The following MRPL45 variants were observed in gnomAD, a reference collection of about 807,000 sequenced individuals.
MRPL45 encodes the protein large ribosomal subunit protein mL45.
MRPL45 carries 20 observed loss-of-function variants against 38.1 expected under a neutral mutation model. That is an observed-to-expected ratio of 0.53 (90% CI 0.37 to 0.76). The LOEUF (loss-of-function observed/expected upper bound fraction) is 0.76. Ranked by LOEUF, MRPL45 falls within the 30% of genes least tolerant of loss-of-function variation. MRPL45 has a pLI of 0.00. For missense variants in MRPL45, 337 were observed against 395.6 expected (o/e 0.85, Z 1.26); for synonymous variants, 105 against 128.8 (o/e 0.82, Z 1.25).
chr17:38,306,873 T>C (rs1281788063), intron 4 of MRPL45, among the ~76,000 whole-genome samples: 1 of 152,200 alleles, frequency 6.6e-6, no homozygotes, highest in Non-Finnish European at 1.5e-5. Flanking sequence ...CTGCAAGTGT[T>C]GGGACCTTGT....
At position 38,302,024 on chromosome 17, in the gene MRPL45, G is replaced by A. The variant is rs370461826; in HGVS notation, c.362+2556G>A. 6.0e-5 allele frequency among the ~76,000 whole-genome samples: 9 copies of A among 151,122 alleles called. No individual in the cohort carries two copies. In the East Asian group the frequency reaches 7.8e-4, roughly 13 times the overall value. The stretch of plus-strand genomic sequence containing the variant: ...CCCAGCTACTCAGGAGGCTGAGGCC[G>A]GAGAATGGTGTGAACTCAGGAGGCA... On this transcript the variant is annotated intron_variant, in intron 3 of 7. Coordinates refer to ENST00000613675, the MANE Select transcript of MRPL45 (RefSeq NM_032351.6).
chr17:38,305,789 T>C lies in MRPL45; in HGVS notation c.363-744T>C, dbSNP rs999743997. On this transcript the variant is annotated intron_variant, in intron 3 of 7. Coordinates refer to ENST00000613675, the MANE Select transcript of MRPL45 (RefSeq NM_032351.6). The stretch of plus-strand genomic sequence containing the variant: ...TCCGGAGTAGCTGGGATTACTGGTG[T>C]GCACCACCATGCCCAGCTTATTTTT... Among the ~76,000 whole-genome samples the C allele has an allele frequency of 2.2e-4, 34 of 151,762 alleles. No homozygotes were observed. In the East Asian group the frequency reaches 6.2e-3, roughly 28 times the overall value.
chr17:38,312,881 G>A (rs1338352515), intron 4 of MRPL45, among the ~76,000 whole-genome samples: 2 of 150,434 alleles, frequency 1.3e-5, no homozygotes, highest in African/African-American at 4.9e-5. Context: ...ACCACCATAT[G>A]GTTTTCCTTA....
chr17:38,316,682 C>T (rs1422904644), intron 4 of MRPL45, among the ~76,000 whole-genome samples: 3 of 134,974 alleles, frequency 2.2e-5, no homozygotes, highest in African/African-American at 8.1e-5. Context: ...GTGGCGTGCA[C>T]CTGTAGTCCC....
chr17:38,318,625 C>A, intron 4 of MRPL45, 62 bp from the exon 5 acceptor site: 2 of 1,208,006 alleles, frequency 1.7e-6, no homozygotes, highest in South Asian at 1.2e-5. Context: ...GGACCATTTT[C>A]AGTCTTCATA....
intron 5 of MRPL45, 82 bp downstream of exon 5, chr17:38,318,817 CTTTTCTTTTCT>C: frequency 1.2e-6 from 1 of 856,976 alleles, no homozygotes; most frequent in Non-Finnish European, 1.8e-6. Context: ...CTTTTCTTTT[CTTTTCTTTTCT>C]TTTTTTTTTT....
rs2037221781 is a variant in MRPL45, at chr17:38,320,753, A to G, written c.646A>G (p.Met216Val). ...CGTGTACGGCCAGATCACCGTACGCATGCACACCCGGCAGGTAGAGGCACT... is the reference window on the plus strand; with the variant it reads ...CGTGTACGGCCAGATCACCGTACGCGTGCACACCCGGCAGGTAGAGGCACT... Reference protein sequence around the residue: ...GNVYGQITVRMHTRQTLAIYD... With the variant: ...GNVYGQITVRVHTRQTLAIYD... The change falls in exon 6 of 8, where the codon ATG (methionine) becomes GTG (valine). Residue 216 changes from methionine (M) to valine (V), a missense_variant. Physicochemically the swap from Met to Val is conservative, Grantham distance 21. Around this residue, in one of 3 missense-constraint regions of MRPL45, gnomAD observed 251 missense variants for 269.1 expected, o/e 0.93. Coordinates refer to ENST00000613675, the MANE Select transcript of MRPL45 (RefSeq NM_032351.6). The G allele has an allele frequency of 6.2e-7, 1 of 1,614,058 alleles. No homozygotes were observed. The highest frequency in any genetic ancestry group is 1.3e-5 in the African/African-American group (1 of 75,040).
intron 6 of MRPL45, 25 bp from the exon 7 acceptor site, chr17:38,322,101 G>T (rs1479211435): frequency 6.2e-7 from 1 of 1,606,184 alleles, no homozygotes; most frequent in Admixed American, 1.7e-5. Flanking sequence ...AAACTAAGAG[G>T]CCAGATTTGC....
At chr17:38,314,747 G>A (rs558046243) in intron 4 of MRPL45, among the ~76,000 whole-genome samples, 7 of 152,276 alleles carry the variant, frequency 4.6e-5, no homozygotes, top group African/African-American at 7.2e-5. Context: ...GGCCAGGCCG[G>A]TCTCAAACTC....
At chr17:38,317,472 A>ATGTGT (rs2037185474) in intron 4 of MRPL45, among the ~76,000 whole-genome samples, 36 of 152,320 alleles carry the variant, frequency 2.4e-4, no homozygotes, top group Admixed American at 2.1e-3. Context: ...GAAAGAAGCT[A>ATGTGT]ATCTATGGCC....
intron 4 of MRPL45, among the ~76,000 whole-genome samples, chr17:38,312,215 T>G (rs2037119634): frequency 6.6e-6 from 1 of 151,856 alleles, no homozygotes; most frequent in Admixed American, 6.6e-5. Flanking sequence ...CCTGGCTAAT[T>G]TTTGTATTTT....
intron 1 of MRPL45, among the ~76,000 whole-genome samples, chr17:38,297,938 A>G (rs2036953500): frequency 6.6e-6 from 1 of 152,254 alleles, no homozygotes; most frequent in South Asian, 2.1e-4. Flanking sequence ...CTTTACAAAA[A>G]AATTTTAAAA....
In MRPL45 at chr17:38,320,646, C is replaced by G; in HGVS notation, c.539C>G (p.Thr180Ser). 6.2e-7 allele frequency: 1 copy of G among 1,614,162 alleles called. No individual in the cohort carries two copies. The highest frequency in any genetic ancestry group is 8.5e-7 in the Non-Finnish European group (1 of 1,180,046). ...ATGACTTGGGACATCAAATATAAGA[C>G]CGTCCGCTGGAGCTTTGTGGAATCT... ...PDMTWDIKYK[T>S]VRWSFVESLE... The change falls in exon 6 of 8, where the codon ACC (threonine) becomes AGC (serine). Residue 180 changes from threonine to serine, a missense_variant. Coordinates refer to ENST00000613675, the MANE Select transcript of MRPL45 (RefSeq NM_032351.6).
At chr17:38,301,883 C>T (rs2036999561) in intron 3 of MRPL45, among the ~76,000 whole-genome samples, 1 of 151,928 alleles carries the variant, frequency 6.6e-6, no homozygotes, top group Non-Finnish European at 1.5e-5. Flanking sequence ...TTTGGGATGA[C>T]GAGGCGGGTG....
In MRPL45 at chr17:38,318,727, T is replaced by A; in HGVS notation, c.502T>A (p.Cys168Ser). 13 of 1,608,578 alleles carry A rather than the reference T, an allele frequency of 8.1e-6. No individual in the cohort carries two copies. Among genetic ancestry groups the A allele is most frequent in the Non-Finnish European group, 1.0e-5 (12 of 1,175,412 alleles). ...DRLHTLVTEH[C>S]FPDMTWDIKY... ...GCTTCATACCTTGGTAACTGAACAC[T>A]GTTTTCCAGTAAGTTCTCATCCTCC... The change falls in exon 5 of 8, where the codon TGT becomes AGT. Residue 168 changes from cysteine (C) to serine (S), a missense_variant. By Grantham distance (112) the Cys-to-Ser change is moderately radical. Transcript: ENST00000613675.
At chr17:38,309,476 C>T (rs1259909284) in intron 4 of MRPL45, among the ~76,000 whole-genome samples, 5 of 149,690 alleles carry the variant, frequency 3.3e-5, no homozygotes, top group Non-Finnish European at 5.9e-5. Flanking sequence ...GAGCCGAGAT[C>T]GTGCAGCTGC....
At chr17:38,320,501 GTGGGAAACGTGC>G in intron 5 of MRPL45, 105 bp from the exon 6 acceptor site, 1 of 1,044,014 alleles carries the variant, frequency 9.6e-7, no homozygotes, top group Non-Finnish European at 1.4e-6. Flanking sequence ...AGAGCATGTG[GTGGGAAACGTGC>G]TGCCTGTTGG....
chr17:38,312,609 G>A (rs962988548), intron 4 of MRPL45, among the ~76,000 whole-genome samples: 4 of 152,060 alleles, frequency 2.6e-5, no homozygotes, highest in Admixed American at 6.6e-5. Context: ...GCTCATACCC[G>A]TAATCCAGCA....
chr17:38,300,654 T>C (rs2036984707), intron 3 of MRPL45, among the ~76,000 whole-genome samples: 2 of 152,062 alleles, frequency 1.3e-5, no homozygotes, highest in African/African-American at 2.4e-5. Context: ...TCTCTACATA[T>C]AGATTTTATT....
Sources: gnomAD v4.1 joint callset for allele counts (sites outside exome capture counted in the v4.1 genomes callset) on GRCh38, gnomAD v4.1.1 for gene constraint, gnomAD v4.1.1 regional missense constraint, MANE v1.5 for transcripts, NCBI Gene and HGNC (gene_info 2026-07-23, HGNC 2026-07-21) for gene names.